Variants in RBM20 observed in about 807,000 individuals in gnomAD.
RBM20 encodes the protein RNA-binding protein 20.
Under a neutral mutation model 110.1 loss-of-function variants are expected in RBM20, and 51 were observed. The ratio of observed to expected loss-of-function variants is 0.46; its 90% CI spans 0.37 to 0.59. The LOEUF (loss-of-function observed/expected upper bound fraction) is 0.59, where lower values mean the gene tolerates loss of function less well. RBM20 is among the 20% of genes least tolerant of loss of function. The pLI is 0.00. For missense variants in RBM20, 1,512 were observed against 1,574.9 expected (o/e 0.96, Z 0.68); for synonymous variants, 589 against 618.2 (o/e 0.95, Z 0.70).
intron 1 of RBM20, among the ~76,000 whole-genome samples, chr10:110,720,592 C>G (rs1843493600): frequency 6.6e-6 from 1 of 152,176 alleles, no homozygotes; most frequent in Admixed American, 6.5e-5. Flanking sequence ...CTGCTACCAC[C>G]TGGGCCAGGC....
intron 1 of RBM20, chr10:110,761,222 G>A (rs1210984716): frequency 1.3e-5 from 2 of 151,976 alleles, no homozygotes; most frequent in African/African-American, 4.8e-5. Flanking sequence ...GTTAGTACTT[G>A]CATGGGAGAA....
chr10:110,809,359 C>G (rs1844736718), intron 7 of RBM20, among the ~76,000 whole-genome samples: 1 of 151,882 alleles, frequency 6.6e-6, no homozygotes, highest in African/African-American at 2.4e-5. Flanking sequence ...AAAAAATCAG[C>G]TTTATTTTTT....
rs1235926334 is a variant in RBM20, at chr10:110,739,961, C to T, written c.192-40840C>T. Among the ~76,000 whole-genome samples the T allele has an allele frequency of 6.6e-6, 1 of 152,254 alleles. No individual in the cohort carries two copies. Reference sequence around the variant, plus strand: ...CCCAGCCCCACTATACTGTCTCCCTCTCCCTCCTTCTCCAAGTGCCCAGAC... The same window carrying T: ...CCCAGCCCCACTATACTGTCTCCCTTTCCCTCCTTCTCCAAGTGCCCAGAC... On this transcript the variant is annotated intron_variant, in intron 1 of 13. Transcript: ENST00000369519. The surrounding 1 kb of genome is among the most constrained non-coding windows in gnomAD (Gnocchi z 4.1).
At chr10:110,677,541 A>G (rs1179395082) in intron 1 of RBM20, among the ~76,000 whole-genome samples, 2 of 152,090 alleles carry the variant, frequency 1.3e-5, no homozygotes, top group African/African-American at 2.4e-5. Context: ...GATGGTCCCT[A>G]TCTCCTGACC....
chr10:110,767,966 G>A (rs906059136), intron 1 of RBM20, among the ~76,000 whole-genome samples: 13 of 152,372 alleles, frequency 8.5e-5, no homozygotes, highest in East Asian at 7.7e-4. Flanking sequence ...ACCAGACTCC[G>A]TCTGCAATCC....
intron 1 of RBM20, among the ~76,000 whole-genome samples, chr10:110,776,970 T>C (rs751551587): frequency 4.6e-5 from 7 of 152,202 alleles, no homozygotes; most frequent in Non-Finnish European, 8.8e-5. Flanking sequence ...ATTGTCCTTT[T>C]TGAGCTGTTT....
In RBM20 at chr10:110,781,805, T is replaced by A. The variant is rs916046415; in HGVS notation, c.1196T>A (p.Leu399Gln). 1 of 1,551,790 alleles carries A rather than the reference T, an allele frequency of 6.4e-7. No homozygotes were observed. Among genetic ancestry groups the A allele is most frequent in the Non-Finnish European group, 8.7e-7 (1 of 1,147,022 alleles). Residue 399 changes from leucine (L) to glutamine (Q), a missense_variant, in exon 2 of 14, where the codon CTG becomes CAG. Physicochemically the swap from Leu to Gln is moderately radical, Grantham distance 113. Coordinates refer to ENST00000369519, the MANE Select transcript of RBM20 (RefSeq NM_001134363.3). ...LSVRPLQAHE[L>Q]NDFHGVAPLH... ...GTGCGGCCCCTGCAGGCTCATGAGC[T>A]GAACGACTTTCACGGTGTGGCCCCC...
intron 1 of RBM20, among the ~76,000 whole-genome samples, chr10:110,728,973 C>G (rs1843592481): frequency 6.6e-6 from 1 of 152,212 alleles, no homozygotes; most frequent in Non-Finnish European, 1.5e-5. Context: ...AATTTCTTCA[C>G]TGCTCCCCTG....
intron 1 of RBM20, among the ~76,000 whole-genome samples, chr10:110,742,181 C>G (rs1843732321): frequency 6.6e-6 from 1 of 152,166 alleles, no homozygotes; most frequent in African/African-American, 2.4e-5. Flanking sequence ...GCGATTCTGC[C>G]AGAGGAATCT....
At chr10:110,652,366 C>A (rs1402450552) in intron 1 of RBM20, among the ~76,000 whole-genome samples, 1 of 152,042 alleles carries the variant, frequency 6.6e-6, no homozygotes, top group Non-Finnish European at 1.5e-5. Flanking sequence ...ACTGGTTTGT[C>A]TTTTTTTCTT....
intron 1 of RBM20, among the ~76,000 whole-genome samples, chr10:110,726,456 T>G (rs775462277): frequency 4.6e-5 from 7 of 152,216 alleles, no homozygotes; most frequent in Non-Finnish European, 1.0e-4. Flanking sequence ...AGTATTACTC[T>G]GCACCCAATG....
At position 110,745,119 on chromosome 10, in the gene RBM20, T is replaced by C. The variant is rs1843764190; in HGVS notation, c.192-35682T>C. 3.3e-5 allele frequency among the ~76,000 whole-genome samples: 5 copies of C among 152,216 alleles called. No homozygotes were observed. In the South Asian group the frequency reaches 1.0e-3, roughly 32 times the overall value. Reference sequence around the variant, plus strand: ...CAAACCCTCTGCTTTTTCATCCCTGTTTCTCCTGGGCAAACCCAAATGTGA... The same window carrying C: ...CAAACCCTCTGCTTTTTCATCCCTGCTTCTCCTGGGCAAACCCAAATGTGA... On this transcript the variant is annotated intron_variant, in intron 1 of 13. Transcript: ENST00000369519.
intron 1 of RBM20, among the ~76,000 whole-genome samples, chr10:110,716,627 A>G (rs1863021188): frequency 6.6e-6 from 1 of 152,164 alleles, no homozygotes; most frequent in African/African-American, 2.4e-5. Flanking sequence ...GAGTAAAAGA[A>G]TTATGGCTGG....
intron 9 of RBM20, among the ~76,000 whole-genome samples, chr10:110,819,784 G>A (rs748207490): frequency 2.0e-5 from 3 of 152,142 alleles, no homozygotes; most frequent in Non-Finnish European, 4.4e-5. Flanking sequence ...AGTTTGCCAG[G>A]TATTTCTGCC....
chr10:110,793,029 G>T (rs1354895286), intron 5 of RBM20, among the ~76,000 whole-genome samples: 3 of 152,176 alleles, frequency 2.0e-5, no homozygotes, highest in African/African-American at 7.2e-5. Context: ...CAAGGCATCT[G>T]GGAGGAGTGG....
intron 9 of RBM20, among the ~76,000 whole-genome samples, chr10:110,814,908 T>C (rs1844820092): frequency 2.0e-5 from 3 of 152,234 alleles, no homozygotes; most frequent in South Asian, 2.1e-4. Flanking sequence ...GATAATGTTT[T>C]TAAAGAGTAA....
chr10:110,784,724 A>G (rs2135050819), intron 4 of RBM20, 68 bp from the exon 5 acceptor site: 3 of 1,017,598 alleles, frequency 2.9e-6, no homozygotes, highest in Non-Finnish European at 4.5e-6. Context: ...ATGCCTGCTT[A>G]TGTCCTAATA....
intron 1 of RBM20, among the ~76,000 whole-genome samples, chr10:110,707,756 G>C (rs1213211489): frequency 6.6e-6 from 1 of 152,206 alleles, no homozygotes; most frequent in East Asian, 1.9e-4. Context: ...CAGAGGCTGG[G>C]AAGAGAGGGT....
At chr10:110,728,427 T>C (rs1843586631) in intron 1 of RBM20, among the ~76,000 whole-genome samples, 1 of 151,516 alleles carries the variant, frequency 6.6e-6, no homozygotes, top group South Asian at 2.1e-4. Flanking sequence ...AAAGCCACAC[T>C]TTTTTTTTGG....
Sources: allele counts gnomAD v4.1 joint callset (sites outside exome capture counted in the v4.1 genomes callset), GRCh38; gene constraint gnomAD v4.1.1; non-coding constraint Gnocchi (gnomAD v3.1); transcripts MANE v1.5; gene names NCBI Gene and HGNC (gene_info 2026-07-23, HGNC 2026-07-21).